Variants in NCOA1 observed in about 807,000 individuals in gnomAD.
The protein encoded by NCOA1 is nuclear receptor coactivator 1, also known as Hin-2 protein.
Under a neutral mutation model 150.9 loss-of-function variants are expected in NCOA1, and 35 were observed. That is an observed-to-expected ratio of 0.23 (90% confidence interval 0.18 to 0.31). NCOA1 has a LOEUF of 0.31. Ranked by LOEUF, NCOA1 falls within the 10% of genes least tolerant of loss-of-function variation. The pLI is 1.00. For missense variants in NCOA1, 1,491 were observed against 1,749.3 expected (o/e 0.85, Z 2.63); for synonymous variants, 590 against 630.0 (o/e 0.94, Z 0.95).
chr2:24,673,343 T>A (rs767910940), intron 6 of NCOA1, 23 bp from the exon 7 acceptor site: 1 of 1,475,328 alleles, frequency 6.8e-7, no homozygotes, highest in Non-Finnish European at 9.1e-7. Flanking sequence ...GATATGTGAT[T>A]TTTTTAAGTT....
intron 17 of NCOA1, among the ~76,000 whole-genome samples, chr2:24,732,723 G>A (rs747735042): frequency 1.3e-5 from 2 of 152,284 alleles, no homozygotes; most frequent in Middle Eastern, 3.4e-3. Flanking sequence ...CAGAGATTCA[G>A]GGATGTTATC....
chr2:24,683,057 C>T lies in NCOA1; in HGVS notation c.461C>T (p.Thr154Met), dbSNP rs781149232. ...TACAATCAGGAGGAATTAATGAATA[C>T]GAGCGTCTACAGCATACTGCACGTG... ...LGYNQEELMNTSVYSILHVGD... is the reference protein window; with the variant it reads ...LGYNQEELMNMSVYSILHVGD... The change falls in exon 8 of 23, where the codon ACG (threonine) becomes ATG (methionine). Residue 154 changes from threonine to methionine, a missense_variant. Transcript: ENST00000348332. The T allele has an allele frequency of 2.5e-6, 4 of 1,611,164 alleles. No homozygotes were observed. The highest frequency in any genetic ancestry group is 3.4e-5 in the Admixed American group (2 of 59,410).
At chr2:24,742,399 A>G (rs894114694) in intron 19 of NCOA1, among the ~76,000 whole-genome samples, 1 of 152,026 alleles carries the variant, frequency 6.6e-6, no homozygotes, top group African/African-American at 2.4e-5. Flanking sequence ...GAGATGATTG[A>G]ATTAGAGGAT....
chr2:24,718,837 C>G (rs1365444390), intron 14 of NCOA1, among the ~76,000 whole-genome samples: 1 of 150,700 alleles, frequency 6.6e-6, no homozygotes, highest in East Asian at 1.9e-4. Flanking sequence ...CCACTGCACC[C>G]CAGCCTGGGC....
chr2:24,588,521 T>C (rs2148328225), intron 3 of NCOA1, among the ~76,000 whole-genome samples: 1 of 152,342 alleles, frequency 6.6e-6, no homozygotes. Context: ...TCCGTTGAGA[T>C]TGTCTTTAGC....
intron 14 of NCOA1, among the ~76,000 whole-genome samples, chr2:24,711,798 A>G (rs1673761738): frequency 6.6e-6 from 1 of 152,186 alleles, no homozygotes; most frequent in African/African-American, 2.4e-5. Context: ...AGGCTGTCAG[A>G]TTTTTTTGCC....
At chr2:24,533,064 T>C (rs1413582840) in intron 1 of NCOA1, among the ~76,000 whole-genome samples, 1 of 152,248 alleles carries the variant, frequency 6.6e-6, no homozygotes, top group Non-Finnish European at 1.5e-5. Context: ...TTTCACGATA[T>C]TGATTCTTCC....
intron 1 of NCOA1, chr2:24,491,843 C>G (rs985106681): frequency 6.6e-6 from 1 of 151,740 alleles, no homozygotes; most frequent in Non-Finnish European, 1.5e-5. Flanking sequence ...CGGGGGAAAT[C>G]GCTGCAGCAG....
intron 6 of NCOA1, among the ~76,000 whole-genome samples, chr2:24,669,445 C>T (rs1374099908): frequency 3.9e-5 from 6 of 152,190 alleles, no homozygotes; most frequent in Admixed American, 3.9e-4. Context: ...CTTCTGTTCA[C>T]GTTCCGTTAG....
intron 3 of NCOA1, among the ~76,000 whole-genome samples, chr2:24,624,491 G>A (rs1446862835): frequency 6.6e-6 from 1 of 152,152 alleles, no homozygotes; most frequent in African/African-American, 2.4e-5. Flanking sequence ...TTCAATGTAT[G>A]CATATTCAAT....
In NCOA1 at chr2:24,707,073, A is replaced by C; in HGVS notation, c.1603A>C (p.Asn535His). 1.2e-6 allele frequency: 2 copies of C among 1,614,214 alleles called. No homozygotes were observed. Among genetic ancestry groups the C allele is most frequent in the Non-Finnish European group, 1.7e-6 (2 of 1,180,026 alleles). ...TAATAATAATAACCGATCTTATTCA[A>C]ACATCCCAGTAACATCTTTACAGGG... ...ACNNNNRSYS[N>H]IPVTSLQGMN... Residue 535 changes from asparagine to histidine, a missense_variant, in exon 13 of 23, where the codon AAC becomes CAC. Physicochemically the swap from Asn to His is moderately conservative, Grantham distance 68. This residue lies in a region of NCOA1 where 703 missense variants were observed against 717.7 expected (regional missense o/e 0.98). Transcript: ENST00000348332.
At chr2:24,590,687 G>A (rs1405744392) in intron 3 of NCOA1, among the ~76,000 whole-genome samples, 1 of 151,964 alleles carries the variant, frequency 6.6e-6, no homozygotes, top group Non-Finnish European at 1.5e-5. Context: ...TTTGTCTTTT[G>A]TAGAATTCCT....
At chr2:24,615,096 A>G (rs927103386) in intron 3 of NCOA1, among the ~76,000 whole-genome samples, 8 of 152,236 alleles carry the variant, frequency 5.3e-5, no homozygotes, top group African/African-American at 1.7e-4. Context: ...TTAACCTACC[A>G]TCTTTACAGT....
chr2:24,674,681 A>T (rs553831894), intron 7 of NCOA1, among the ~76,000 whole-genome samples: 2 of 152,308 alleles, frequency 1.3e-5, no homozygotes, highest in East Asian at 3.9e-4. Flanking sequence ...GAATTATTTT[A>T]AAAATTAAGT....
At position 24,707,509 on chromosome 2, in the gene NCOA1, A is replaced by G. The variant is rs942306362; in HGVS notation, c.2039A>G (p.His680Arg). ...NSSGGSCPSS[H>R]SSLTERHKIL... ...TCAGGAGGTTCTTGTCCCTCTTCTC[A>G]TAGCTCATTGACAGAACGGCATAAA... Residue 680 changes from histidine (H) to arginine (R), a missense_variant, in exon 13 of 23, where the codon CAT (histidine) becomes CGT (arginine). Transcript: ENST00000348332. 5.0e-6 allele frequency: 8 copies of G among 1,613,994 alleles called. No individual in the cohort carries two copies. The highest frequency in any genetic ancestry group is 6.8e-6 in the Non-Finnish European group (8 of 1,180,018).
At chr2:24,545,816 G>A (rs769755231) in intron 1 of NCOA1, among the ~76,000 whole-genome samples, 7 of 151,858 alleles carry the variant, frequency 4.6e-5, no homozygotes, top group Non-Finnish European at 8.8e-5. Flanking sequence ...TTTTTGAGTC[G>A]GAGTCTCGCT....
chr2:24,519,246 A>T (rs570857874), intron 1 of NCOA1, among the ~76,000 whole-genome samples: 1 of 152,232 alleles, frequency 6.6e-6, no homozygotes, highest in Non-Finnish European at 1.5e-5. Context: ...TGAAATACTG[A>T]TACGTGCTAC....
chr2:24,688,457 A>AG (rs1238748142), intron 8 of NCOA1, among the ~76,000 whole-genome samples: 1 of 152,114 alleles, frequency 6.6e-6, no homozygotes, highest in Non-Finnish European at 1.5e-5. Flanking sequence ...GACTGGTGTG[A>AG]GATAGTATCT....
chr2:24,726,455 G>T, intron 14 of NCOA1, 134 bp from the exon 15 acceptor site: 2 of 515,760 alleles, frequency 3.9e-6, no homozygotes, highest in South Asian at 3.3e-5. Context: ...TTAAATTGCT[G>T]AATAAGTGAC....
Sources: allele counts gnomAD v4.1 joint callset (sites outside exome capture counted in the v4.1 genomes callset), GRCh38; gene constraint gnomAD v4.1.1; regional missense constraint gnomAD v4.1.1; transcripts MANE v1.5; gene names NCBI Gene and HGNC (gene_info 2026-07-23, HGNC 2026-07-21).